The following GUCY1B1 variants were observed in gnomAD, a reference collection of about 807,000 sequenced individuals.
GUCY1B1 encodes guanylate cyclase 1 soluble subunit beta 1.
Under a neutral mutation model 71.0 loss-of-function variants are expected in GUCY1B1, and 43 were observed. The ratio of observed to expected loss-of-function variants is 0.61; its 90% CI spans 0.47 to 0.78. GUCY1B1 has a LOEUF of 0.78. Ranked by LOEUF, GUCY1B1 falls within the 30% of genes least tolerant of loss-of-function variation. GUCY1B1 has a pLI of 0.00. For synonymous variants in GUCY1B1, 266 were observed against 259.7 expected, an observed-to-expected ratio of 1.02 and a Z score of -0.23; for missense variants, 535 against 754.1, an observed-to-expected ratio of 0.71 and a Z score of 3.40.
chr4:155,796,345 A>T (rs1739554455), intron 7 of GUCY1B1, 32 bp from the exon 8 acceptor site: 1 of 1,600,856 alleles, frequency 6.2e-7, no homozygotes, highest in African/African-American at 1.3e-5. Context: ...GGAGAAAGGC[A>T]TTCATTAATG....
chr4:155,796,097 C>T (rs1231283357), intron 7 of GUCY1B1, among the ~76,000 whole-genome samples: 1 of 152,090 alleles, frequency 6.6e-6, no homozygotes, highest in African/African-American at 2.4e-5. Flanking sequence ...ACCGGAAAAT[C>T]AGGGGGATAA....
intron 5 of GUCY1B1, among the ~76,000 whole-genome samples, chr4:155,790,133 A>G (rs1739058660): frequency 6.6e-6 from 1 of 152,138 alleles, no homozygotes; most frequent in Non-Finnish European, 1.5e-5. Flanking sequence ...TTCTAATTAT[A>G]TAGTGTTCAA....
chr4:155,761,996 C>G (rs997478304), intron 2 of GUCY1B1, among the ~76,000 whole-genome samples: 4 of 152,152 alleles, frequency 2.6e-5, no homozygotes, highest in African/African-American at 9.7e-5. Context: ...TTGGTGGACC[C>G]CAGCTGATCT....
At chr4:155,794,202 T>A in intron 6 of GUCY1B1, 116 bp downstream of exon 6, 1 of 587,140 alleles carries the variant, frequency 1.7e-6, no homozygotes, top group Non-Finnish European at 3.0e-6. Context: ...AATATGCAGT[T>A]TATTGTAAGT....
At chr4:155,779,161 C>T (rs1164243324) in intron 4 of GUCY1B1, among the ~76,000 whole-genome samples, 1 of 152,092 alleles carries the variant, frequency 6.6e-6, no homozygotes, top group Non-Finnish European at 1.5e-5. Flanking sequence ...TGGCTCACAC[C>T]TGTAGTCCCA....
intron 12 of GUCY1B1, 63 bp from the exon 13 acceptor site, chr4:155,805,040 T>A: frequency 7.1e-7 from 1 of 1,412,042 alleles, no homozygotes; most frequent in South Asian, 1.2e-5. Flanking sequence ...ACATGATACA[T>A]GTCACCTTCT....
At chr4:155,805,307 T>C (rs530451996) in intron 13 of GUCY1B1, 78 bp downstream of exon 13, 291 of 1,168,526 alleles carry the variant, frequency 2.5e-4, no homozygotes, top group Non-Finnish European at 3.3e-4. Flanking sequence ...TCACTGAAAA[T>C]GTATTTCATT....
At chr4:155,784,576 CCTT>C (rs1482364691) in intron 4 of GUCY1B1, among the ~76,000 whole-genome samples, 2 of 152,100 alleles carry the variant, frequency 1.3e-5, no homozygotes, top group Admixed American at 6.5e-5. Context: ...ACCTCATCCT[CCTT>C]CATTGAAAAA....
chr4:155,798,886 G>A (rs1476948970), intron 8 of GUCY1B1, among the ~76,000 whole-genome samples: 1 of 152,128 alleles, frequency 6.6e-6, no homozygotes, highest in Non-Finnish European at 1.5e-5. Context: ...CACCCAGACT[G>A]GAATGCAGTG....
intron 4 of GUCY1B1, among the ~76,000 whole-genome samples, chr4:155,789,138 A>C (rs933712343): frequency 5.3e-5 from 8 of 152,250 alleles, no homozygotes; most frequent in African/African-American, 1.9e-4. Flanking sequence ...TGATGATAGC[A>C]TACTAAAGAA....
At chr4:155,774,827 A>G (rs1171609929) in intron 2 of GUCY1B1, 141 bp from the exon 3 acceptor site, 2 of 626,740 alleles carry the variant, frequency 3.2e-6, no homozygotes, top group Non-Finnish European at 5.7e-6. Context: ...TAGGTACATG[A>G]TGATGTTTAA....
At chr4:155,776,335 A>C (rs1738039068) in intron 3 of GUCY1B1, among the ~76,000 whole-genome samples, 1 of 152,196 alleles carries the variant, frequency 6.6e-6, no homozygotes, top group South Asian at 2.1e-4. Context: ...ACTGAAAAAA[A>C]GCCTACATTT....
intron 4 of GUCY1B1, among the ~76,000 whole-genome samples, chr4:155,779,434 G>T (rs1469327242): frequency 6.6e-6 from 1 of 152,150 alleles, no homozygotes; most frequent in Non-Finnish European, 1.5e-5. Flanking sequence ...TTGATTTCAT[G>T]TTAAAATGTT....
Position 155,805,242 on chromosome 4 carries a change from A to G in GUCY1B1, c.1836+13A>G. 1 of 1,602,272 alleles carries G rather than the reference A, an allele frequency of 6.2e-7. No homozygotes were observed. The highest frequency in any genetic ancestry group is 8.5e-7 in the Non-Finnish European group (1 of 1,173,166). Reference sequence around the variant, plus strand: ...TACAGGAACAGAGGTATGACTAATCAAAGTGTAATTTGCGTACTTAAGACA... The same window carrying G: ...TACAGGAACAGAGGTATGACTAATCGAAGTGTAATTTGCGTACTTAAGACA... On this transcript the variant is annotated intron_variant, in intron 13 of 13. Coordinates refer to ENST00000264424, the MANE Select transcript of GUCY1B1 (RefSeq NM_000857.5).
intron 2 of GUCY1B1, 54 bp from the exon 3 acceptor site, chr4:155,774,914 C>T (rs1737939187): frequency 3.3e-6 from 3 of 919,302 alleles, no homozygotes; most frequent in Non-Finnish European, 5.4e-6. Flanking sequence ...CTTATAGTAG[C>T]TATTTTTTTA....
rs1448612113 is a variant in GUCY1B1 at position 155,807,463 on chromosome 4, G to C, written c.*1054G>C. On this transcript the variant is annotated 3_prime_UTR_variant, in exon 14 of 14. Transcript: ENST00000264424. ...TATTAATATCTATCTTTATAAAATA[G>C]AGTGCAACTACTTTTGTGTAAAAAT... is the stretch of plus-strand genomic sequence containing the variant. 1 of 152,100 alleles carries C rather than the reference G, an allele frequency of 6.6e-6. No individual in the cohort carries two copies. Among genetic ancestry groups the C allele is most frequent in the African/African-American group, 2.4e-5 (1 of 41,434 alleles). The allele number at this position is 152,100 out of a possible 1,614,324, so 9.4% of individuals were successfully genotyped here. A position where few individuals can be genotyped will look rare whatever the true frequency, so the allele number is the denominator to read the frequency against.
In GUCY1B1 at chr4:155,803,745, T is replaced by C; in HGVS notation, c.1535T>C (p.Val512Ala). The C allele has an allele frequency of 6.3e-7, 1 of 1,594,812 alleles. No individual in the cohort carries two copies. The highest frequency in any genetic ancestry group is 8.5e-7 in the Non-Finnish European group (1 of 1,170,782). ...ATGGAAATTGCTGGCCAGGTTCAAG[T>C]AGATGGTGAATCTGTTCAGGTTAGT... ...DMMEIAGQVQVDGESVQITIG... is the reference protein window; with the variant it reads ...DMMEIAGQVQADGESVQITIG... Residue 512 changes from valine (V) to alanine (A), a missense_variant, in exon 11 of 14, where the codon GTA (valine) becomes GCA (alanine). Physicochemically the swap from Val to Ala is moderately conservative, Grantham distance 64. Transcript: ENST00000264424.
intron 5 of GUCY1B1, 113 bp from the exon 6 acceptor site, chr4:155,793,743 A>G: frequency 1.6e-6 from 1 of 610,934 alleles, no homozygotes; most frequent in Non-Finnish European, 2.9e-6. Flanking sequence ...TATGTTTTGA[A>G]TTTTTGTAAT....
intron 3 of GUCY1B1, among the ~76,000 whole-genome samples, chr4:155,775,278 A>C (rs1487927793): frequency 6.6e-6 from 1 of 152,138 alleles, no homozygotes; most frequent in Non-Finnish European, 1.5e-5. Flanking sequence ...AGAATAGAAA[A>C]GAGTAAATGT....
Sources: gnomAD v4.1 joint callset for allele counts (sites outside exome capture counted in the v4.1 genomes callset) on GRCh38, gnomAD v4.1.1 for gene constraint, MANE v1.5 for transcripts, NCBI Gene and HGNC (gene_info 2026-07-23, HGNC 2026-07-21) for gene names.